The following BSN variants were observed in gnomAD, a reference collection of about 807,000 sequenced individuals.
BSN encodes the protein bassoon presynaptic cytomatrix protein.
A neutral mutation model predicts 264.8 loss-of-function variants in BSN; 57 were observed. That is an observed-to-expected ratio of 0.22 (90% confidence interval 0.17 to 0.27). BSN has a LOEUF of 0.27. BSN is among the 10% of genes least tolerant of loss of function. The pLI, the probability that BSN is intolerant of heterozygous loss-of-function variation, is 1.00. For missense variants in BSN, 4,615 were observed against 5,232.5 expected, an observed-to-expected ratio of 0.88 and a Z score of 3.64; for synonymous variants, 2,059 against 2,137.3, an observed-to-expected ratio of 0.96 and a Z score of 1.01.
intron 1 of BSN, among the ~76,000 whole-genome samples, chr3:49,613,222 C>G (rs2052222319): frequency 6.6e-6 from 1 of 151,028 alleles, no homozygotes; most frequent in Non-Finnish European, 1.5e-5. Context: ...TTGGTGGTGT[C>G]ACTCAATTCC....
intron 1 of BSN, among the ~76,000 whole-genome samples, chr3:49,593,209 C>T (rs1210241268): frequency 6.6e-6 from 1 of 152,164 alleles, no homozygotes; most frequent in African/African-American, 2.4e-5. Flanking sequence ...GAGATTCATC[C>T]ACTTGTTGTA....
chr3:49,657,982 C>T lies in BSN; in HGVS notation c.8426C>T (p.Thr2809Ile), dbSNP rs1302573484. ...SPLSPHRLLD[T>I]SFASSERLNK... is the part of the protein sequence containing the mutation. ...CTGTCCCCTCACCGGCTCCTGGACA[C>T]CTCCTTTGCTTCCAGTGAGAGGCTG... The change falls in exon 5 of 12, where the codon ACC becomes ATC. Residue 2809 changes from threonine (T) to isoleucine (I), a missense_variant. Physicochemically the swap from Thr to Ile is moderately conservative, Grantham distance 89 (BLOSUM62 -1). This residue lies in a region of BSN where 3,415 missense variants were observed against 3,866.4 expected (regional missense o/e 0.88). Coordinates refer to ENST00000296452, the MANE Select transcript of BSN (RefSeq NM_003458.4). 2.5e-6 allele frequency: 4 copies of T among 1,612,140 alleles called. No individual in the cohort carries two copies. The highest frequency in any genetic ancestry group is 2.2e-5 in the East Asian group (1 of 44,836).
rs572906703 is a variant in BSN, at chr3:49,664,352, G to T, written c.11609-71G>T. On this transcript the variant is annotated intron_variant, in intron 8 of 11. Coordinates refer to ENST00000296452, the MANE Select transcript of BSN (RefSeq NM_003458.4). ...GTACCTGTGTTCAGATTCTCTCGTGGGTACTTGCCCTCTTAGACCCTAAAG... is the reference window on the plus strand; with the variant it reads ...GTACCTGTGTTCAGATTCTCTCGTGTGTACTTGCCCTCTTAGACCCTAAAG... 5.0e-6 allele frequency: 8 copies of T among 1,599,464 alleles called. No homozygotes were observed. The African/African-American group carries it at 8.1e-5, about 16-fold the overall frequency.
At chr3:49,606,195 T>TG (rs2052142025) in intron 1 of BSN, among the ~76,000 whole-genome samples, 1 of 43,428 alleles carries the variant, frequency 2.3e-5, no homozygotes, top group African/African-American at 9.8e-5. Flanking sequence ...ATATTATATA[T>TG]ACATATATTA....
chr3:49,607,854 G>C (rs769763145), intron 1 of BSN, among the ~76,000 whole-genome samples: 1 of 152,222 alleles, frequency 6.6e-6, no homozygotes, highest in Non-Finnish European at 1.5e-5. Flanking sequence ...GCCTCTTCTC[G>C]TCAAGGGTGG....
intron 1 of BSN, among the ~76,000 whole-genome samples, chr3:49,565,322 T>A (rs2051744431): frequency 7.1e-6 from 1 of 141,008 alleles, no homozygotes; most frequent in African/African-American, 2.6e-5. Flanking sequence ...AATTTTTTTT[T>A]TTTTTTTTTT....
chr3:49,664,469 C>T lies in BSN; in HGVS notation c.11655C>T (p.Ala3885=), dbSNP rs777793900. ...ARPGGTPGAP[A]GQPGADGESV... Reference sequence around the variant, plus strand: ...CTGGAGGAACCCCAGGGGCTCCCGCCGGCCAGCCAGGTGCCGATGGGGAGA... The same window carrying T: ...CTGGAGGAACCCCAGGGGCTCCCGCTGGCCAGCCAGGTGCCGATGGGGAGA... The change falls in exon 9 of 12, where the codon GCC becomes GCT. Residue 3885 remains alanine, a synonymous_variant. Transcript: ENST00000296452. The T allele has an allele frequency of 2.1e-5, 34 of 1,613,442 alleles. No individual in the cohort carries two copies. Among genetic ancestry groups the T allele is most frequent in the East Asian group, 1.8e-4 (8 of 44,892 alleles).
Position 49,651,842 on chromosome 3 carries a change from C to G in BSN, c.2286C>G (p.His762Gln), listed in dbSNP as rs1292976801. 1 of 1,613,832 alleles carries G rather than the reference C, an allele frequency of 6.2e-7. No individual in the cohort carries two copies. The highest frequency in any genetic ancestry group is 1.1e-5 in the South Asian group (1 of 91,092). Residue 762 changes from histidine to glutamine, a missense_variant, in exon 5 of 12, where the codon CAC becomes CAG. Transcript: ENST00000296452. This position sits in a 1 kb window ranked among gnomAD's most constrained non-coding sequence, Gnocchi z 5.4. ...GCGAGGAGCAGAAGCAGCGGCCCCA[C>G]TCCTTGTCCATCACGCCTGAGGCCT... ...GTGEEQKQRP[H>Q]SLSITPEAFD...
Position 49,654,491 on chromosome 3 carries a change from C to T in BSN, c.4935C>T (p.Ile1645=). The T allele has an allele frequency of 6.2e-7, 1 of 1,610,922 alleles. No individual in the cohort carries two copies. Residue 1645 remains isoleucine (I), a synonymous_variant, in exon 5 of 12, where the codon ATC becomes ATT. Coordinates refer to ENST00000296452, the MANE Select transcript of BSN (RefSeq NM_003458.4). The surrounding 1 kb of genome is among the most constrained non-coding windows in gnomAD (Gnocchi z 4.1). ...LPAENISLCR[I]SSVPGTSRVE... ...CTGAGAACATCTCCCTGTGCCGGATCTCCTCTGTCCCTGGGACGTCTAGGG... is the reference window on the plus strand; with the variant it reads ...CTGAGAACATCTCCCTGTGCCGGATTTCCTCTGTCCCTGGGACGTCTAGGG...
intron 2 of BSN, among the ~76,000 whole-genome samples, chr3:49,628,472 A>G (rs992994719): frequency 1.3e-5 from 2 of 152,250 alleles, no homozygotes; most frequent in African/African-American, 4.8e-5. Flanking sequence ...GGCTAGCAGC[A>G]GTGTCTGAGA....
At chr3:49,563,316 A>G (rs1363191251) in intron 1 of BSN, among the ~76,000 whole-genome samples, 2 of 152,068 alleles carry the variant, frequency 1.3e-5, no homozygotes, top group Non-Finnish European at 2.9e-5. Flanking sequence ...CAAGGCTCCT[A>G]CCCAGACCTG....
chr3:49,594,700 A>G (rs1033672556), intron 1 of BSN, among the ~76,000 whole-genome samples: 18 of 152,110 alleles, frequency 1.2e-4, no homozygotes, highest in Admixed American at 1.1e-3. Context: ...GAGTTTTTCT[A>G]TGTCTGTAAA....
intron 1 of BSN, among the ~76,000 whole-genome samples, chr3:49,621,798 A>C (rs988538800): frequency 6.6e-5 from 10 of 151,884 alleles, no homozygotes; most frequent in Non-Finnish European, 1.5e-4. Context: ...GCTTACCGTA[A>C]CCTTGATCTC....
Position 49,656,209 on chromosome 3 carries a change from C to G in BSN, c.6653C>G (p.Pro2218Arg). Residue 2218 changes from proline to arginine, a missense_variant, in exon 5 of 12, where the codon CCC becomes CGC. By Grantham distance (103) the Pro-to-Arg change is moderately radical. Transcript: ENST00000296452. ...ITTQPASVLRPMVRGGMYRPY... is the reference protein window; with the variant it reads ...ITTQPASVLRRMVRGGMYRPY... ...ACCCAGCCTGCCTCAGTCCTGCGGC[C>G]CATGGTGCGTGGTGGCATGTACAGG... 3 of 1,610,570 alleles carry G rather than the reference C, an allele frequency of 1.9e-6. No individual in the cohort carries two copies. Among genetic ancestry groups the G allele is most frequent in the Non-Finnish European group, 2.5e-6 (3 of 1,178,464 alleles).
chr3:49,623,433 G>A (rs1254227551), intron 1 of BSN, among the ~76,000 whole-genome samples: 1 of 152,240 alleles, frequency 6.6e-6, no homozygotes, highest in Non-Finnish European at 1.5e-5. Context: ...GAAAATTGCA[G>A]AGATGAACTT....
intron 1 of BSN, among the ~76,000 whole-genome samples, chr3:49,555,988 C>T (rs1279022130): frequency 2.0e-5 from 3 of 152,240 alleles, no homozygotes; most frequent in Non-Finnish European, 2.9e-5. Context: ...TAGCTTGAAA[C>T]CTGCGGCAGA....
At chr3:49,587,241 A>G (rs1478960876) in intron 1 of BSN, among the ~76,000 whole-genome samples, 1 of 152,204 alleles carries the variant, frequency 6.6e-6, no homozygotes, top group African/African-American at 2.4e-5. Flanking sequence ...TAGAAATACT[A>G]CTGATTTTTG....
rs2052643825 is a variant in BSN at position 49,660,398 on chromosome 3, C to T, written c.8641-88C>T. ...GCAAGATGGAACCCAGCTCCTTCCC[C>T]AGCCCAGGCCTGGGTTCTGCCACCC... On this transcript the variant is annotated intron_variant, in intron 5 of 11. Coordinates refer to ENST00000296452, the MANE Select transcript of BSN (RefSeq NM_003458.4). This position sits in a 1 kb window ranked among gnomAD's most constrained non-coding sequence, Gnocchi z 7.1. The T allele has an allele frequency of 1.3e-6, 2 of 1,501,052 alleles. No individual in the cohort carries two copies. Among genetic ancestry groups the T allele is most frequent in the Non-Finnish European group, 1.8e-6 (2 of 1,126,268 alleles). The allele number at this position is 1,501,052 out of a possible 1,614,324, so 93.0% of individuals were successfully genotyped here.
rs2052655263 is a variant in BSN at position 49,661,555 on chromosome 3, T to TGA, written c.9710_9711insGA (p.Ile3237MetfsTer5). The TGA allele has an allele frequency of 6.2e-7, 1 of 1,613,868 alleles. No individual in the cohort carries two copies. Among genetic ancestry groups the TGA allele is most frequent in the African/African-American group, 1.3e-5 (1 of 74,916 alleles). ...CGAAACTACGTAATGATTGATGACA[T>TGA]CAGTGAACTGACCAAGGACAGCACC... On this transcript the variant is annotated frameshift_variant, in exon 6 of 12. Coordinates refer to ENST00000296452, the MANE Select transcript of BSN (RefSeq NM_003458.4). LOFTEE classifies it high-confidence loss of function.
Sources: allele counts gnomAD v4.1 joint callset (sites outside exome capture counted in the v4.1 genomes callset), GRCh38; gene constraint gnomAD v4.1.1; regional missense constraint gnomAD v4.1.1; non-coding constraint Gnocchi (gnomAD v3.1); transcripts MANE v1.5; gene names NCBI Gene and HGNC (gene_info 2026-07-23, HGNC 2026-07-21).